ANKRD34C: variants seen among roughly 807,000 people sequenced by gnomAD.
ANKRD34C encodes the protein ankyrin repeat domain 34C.
For synonymous variants in ANKRD34C, 260 were observed against 253.6 expected, an observed-to-expected ratio of 1.03 and a Z score of -0.24; for missense variants, 563 against 653.0, an observed-to-expected ratio of 0.86 and a Z score of 1.50.
At chr15:79,289,027 G>A (rs1158861749) in intron 1 of ANKRD34C, among the ~76,000 whole-genome samples, 1 of 151,990 alleles carries the variant, frequency 6.6e-6, no homozygotes, top group African/African-American at 2.4e-5. Flanking sequence ...CACCATGTTG[G>A]CCAGCTGGTC....
intron 1 of ANKRD34C, among the ~76,000 whole-genome samples, chr15:79,287,935 A>C (rs969610256): frequency 5.9e-5 from 9 of 152,186 alleles, no homozygotes; most frequent in Admixed American, 2.6e-4. Context: ...AAATCCACCC[A>C]AGGTTGAGTC....
intron 1 of ANKRD34C, among the ~76,000 whole-genome samples, chr15:79,289,570 C>T (rs903560302): frequency 6.6e-6 from 1 of 152,222 alleles, no homozygotes; most frequent in African/African-American, 2.4e-5. Flanking sequence ...CCTTTCCTGC[C>T]TCTCTTCCTC....
intron 1 of ANKRD34C, among the ~76,000 whole-genome samples, chr15:79,288,812 C>CTTTTTTTTTTTTTTTTTTTTTTTTTTT (rs60075615): frequency 9.0e-5 from 5 of 55,536 alleles, no homozygotes; most frequent in African/African-American, 7.2e-5. Context: ...GCCCAGTATT[C>CTTTTTTTTTTTTTTTTTTTTTTTTTTT]TTTTTTTTTT....
In ANKRD34C at chr15:79,294,731, CCTT is replaced by C; in HGVS notation, c.1451_1453del (p.Ser484del). On this transcript the variant is annotated inframe_deletion, in exon 2 of 2. Transcript: ENST00000421388. The stretch of plus-strand genomic sequence containing the variant: ...TCCAGATATTAGATCTAGCAGCAAA[CCTT>C]CTTGCTCTCTTGCTAGTGGCTTAAA... 6.4e-7 allele frequency: 1 copy of C among 1,551,734 alleles called. No individual in the cohort carries two copies. The highest frequency in any genetic ancestry group is 8.7e-7 in the Non-Finnish European group (1 of 1,147,006).
chr15:79,293,203 AAACATAT>A, intron 1 of ANKRD34C, 31 bp from the exon 2 acceptor site: 29 of 1,337,770 alleles, frequency 2.2e-5, no homozygotes, highest in Non-Finnish European at 2.9e-5. Flanking sequence ...ATCTGTTATA[AAACATAT>A]AACATTTGTT....
intron 1 of ANKRD34C, among the ~76,000 whole-genome samples, 145 bp downstream of exon 1, chr15:79,283,373 C>T: frequency 6.6e-6 from 1 of 152,150 alleles, no homozygotes; most frequent in Non-Finnish European, 1.5e-5. Context: ...TTGTGGGAGA[C>T]GGGAATGGAA....
rs770620343 is a variant in ANKRD34C at position 79,294,454 on chromosome 15, T to C, written c.1170T>C (p.Pro390=). The C allele has an allele frequency of 3.2e-6, 5 of 1,551,604 alleles. No homozygotes were observed. In the South Asian group the frequency reaches 5.9e-5, roughly 18 times the overall value. ...YDLDIQPGPD[P]PNSISLESGK... ...TAGATATACAGCCAGGGCCTGACCC[T>C]CCCAACTCCATTTCCCTTGAATCCG... is the stretch of plus-strand genomic sequence containing the variant. Residue 390 remains proline, a synonymous_variant, in exon 2 of 2, where the codon CCT becomes CCC. Coordinates refer to ENST00000421388, the MANE Select transcript of ANKRD34C (RefSeq NM_001146341.2).
chr15:79,294,163 G>T lies in ANKRD34C; in HGVS notation c.879G>T (p.Arg293Ser). 6.4e-7 allele frequency: 1 copy of T among 1,551,480 alleles called. No individual in the cohort carries two copies. Among genetic ancestry groups the T allele is most frequent in the Non-Finnish European group, 8.7e-7 (1 of 1,146,968 alleles). The change falls in exon 2 of 2, where the codon AGG becomes AGT. Residue 293 changes from arginine (R) to serine (S), a missense_variant. Transcript: ENST00000421388. ...TCAGTGATATATCCTTCCCTAAAAG[G>T]GGGCCCCTCTCCAGAACCAACAGTA... ...KSISDISFPKRGPLSRTNSID... is the reference protein window; with the variant it reads ...KSISDISFPKSGPLSRTNSID...
chr15:79,288,905 C>T (rs1288760529), intron 1 of ANKRD34C, among the ~76,000 whole-genome samples: 2 of 138,724 alleles, frequency 1.4e-5, no homozygotes, highest in African/African-American at 5.3e-5. Context: ...ACTGCAACCT[C>T]TGCCTCCTGG....
At chr15:79,290,988 G>A (rs1248760504) in intron 1 of ANKRD34C, among the ~76,000 whole-genome samples, 1 of 152,152 alleles carries the variant, frequency 6.6e-6, no homozygotes, top group Non-Finnish European at 1.5e-5. Flanking sequence ...GTACTAATAA[G>A]GCTGGGTATC....
chr15:79,284,362 C>T (rs995954709), intron 1 of ANKRD34C, among the ~76,000 whole-genome samples: 6 of 152,306 alleles, frequency 3.9e-5, no homozygotes, highest in Admixed American at 1.3e-4. Context: ...CACTTAAAAA[C>T]GTGTGCCCTT....
At position 79,297,793 on chromosome 15, in the gene ANKRD34C, A is replaced by G. The variant is rs191162935; in HGVS notation, c.*2901A>G. 6.6e-5 allele frequency: 11 copies of G among 166,814 alleles called. No individual in the cohort carries two copies. Among genetic ancestry groups the G allele is most frequent in the African/African-American group, 2.4e-4 (10 of 41,594 alleles). The allele number at this position is 166,814 out of a possible 1,614,324, so 10.3% of individuals were successfully genotyped here. ...TATTTTAGATTCAAACATGCTTTCT[A>G]GATCAGAGGTTAACTTGTCTTTTTG... On this transcript the variant is annotated 3_prime_UTR_variant, in exon 2 of 2. Transcript: ENST00000421388.
chr15:79,288,812 C>CTTTTTTTTTTTTTTTTTTTTT (rs60075615), intron 1 of ANKRD34C, among the ~76,000 whole-genome samples: 1 of 55,536 alleles, frequency 1.8e-5, no homozygotes, highest in Non-Finnish European at 3.2e-5. Context: ...GCCCAGTATT[C>CTTTTTTTTTTTTTTTTTTTTT]TTTTTTTTTT....
rs2058673737 is a variant in ANKRD34C, at chr15:79,296,948, G to A, written c.*2056G>A. On this transcript the variant is annotated 3_prime_UTR_variant, in exon 2 of 2. Transcript: ENST00000421388. ...GTTAACTTAAGACAATTCAAATTGT[G>A]CTTTAGTAAGAGGACTAATCAATAC... The A allele has an allele frequency of 6.0e-6, 1 of 167,054 alleles. No homozygotes were observed. 10.3% of individuals were successfully genotyped at this position (167,054 alleles called of 1,614,324 possible). A position where few individuals can be genotyped will look rare whatever the true frequency, so the allele number is the denominator to read the frequency against.
rs574946369 is a variant in ANKRD34C, at chr15:79,294,676, G to C, written c.1392G>C (p.Pro464=). ...RISHTRPGFL[P]PLNVNLNPPI... ...CTCACACTAGGCCTGGCTTCCTGCC[G>C]CCTTTAAATGTGAATCTGAACCCGC... Residue 464 remains proline, a synonymous_variant, in exon 2 of 2, where the codon CCG becomes CCC. Transcript: ENST00000421388. The C allele has an allele frequency of 6.4e-7, 1 of 1,551,664 alleles. No homozygotes were observed. Among genetic ancestry groups the C allele is most frequent in the South Asian group, 1.2e-5 (1 of 84,064 alleles).
At chr15:79,284,673 AT>A in intron 1 of ANKRD34C, among the ~76,000 whole-genome samples, 1 of 152,262 alleles carries the variant, frequency 6.6e-6, no homozygotes, top group African/African-American at 2.4e-5. Context: ...AGCCTCTTAG[AT>A]TTTTTAACAG....
At chr15:79,285,628 C>T (rs931696785) in intron 1 of ANKRD34C, among the ~76,000 whole-genome samples, 1 of 152,224 alleles carries the variant, frequency 6.6e-6, no homozygotes, top group African/African-American at 2.4e-5. Flanking sequence ...CACAAACCCG[C>T]ATCCCTATAC....
intron 1 of ANKRD34C, among the ~76,000 whole-genome samples, chr15:79,289,127 G>A (rs753300299): frequency 9.9e-5 from 15 of 152,114 alleles, no homozygotes; most frequent in African/African-American, 1.2e-4. Context: ...GACAAGCCCC[G>A]TATTCTTAAA....
At chr15:79,290,494 T>C (rs1300825134) in intron 1 of ANKRD34C, among the ~76,000 whole-genome samples, 1 of 152,150 alleles carries the variant, frequency 6.6e-6, no homozygotes, top group East Asian at 1.9e-4. Context: ...TGCAATCCTC[T>C]AGGGGCTGGC....
Sources: gnomAD v4.1 joint callset for allele counts (sites outside exome capture counted in the v4.1 genomes callset) on GRCh38, gnomAD v4.1.1 for gene constraint, MANE v1.5 for transcripts, NCBI Gene and HGNC (gene_info 2026-07-23, HGNC 2026-07-21) for gene names.